Variants in ATP9A observed in about 807,000 individuals in gnomAD.
ATP9A encodes the protein ATPase phospholipid transporting 9A.
In ATP9A, 52 loss-of-function variants were observed where a neutral mutation model predicts 144.1. That is an observed-to-expected ratio of 0.36 (90% CI 0.29 to 0.45). The LOEUF (loss-of-function observed/expected upper bound fraction) is 0.45, where lower values mean the gene tolerates loss of function less well. Ranked by LOEUF, ATP9A falls within the 20% of genes least tolerant of loss-of-function variation. The pLI is 1.00. For synonymous variants in ATP9A, 582 were observed against 557.4 expected (o/e 1.04, Z -0.62); for missense variants, 947 against 1,392.7 (o/e 0.68, Z 5.09).
At chr20:51,667,917 G>T (rs187627716) in intron 13 of ATP9A, among the ~76,000 whole-genome samples, 120 of 151,096 alleles carry the variant, frequency 7.9e-4, no homozygotes, top group Non-Finnish European at 1.3e-4. Context: ...AATTAGCCAG[G>T]TGTGGTGGTG....
chr20:51,739,773 C>T (rs1023975727), intron 1 of ATP9A, among the ~76,000 whole-genome samples: 1 of 152,172 alleles, frequency 6.6e-6, no homozygotes, highest in Admixed American at 6.6e-5. Context: ...GACAGTGAGA[C>T]CCCTGGCTGG....
At chr20:51,606,768 T>G (rs998635223) in intron 26 of ATP9A, among the ~76,000 whole-genome samples, 3 of 151,966 alleles carry the variant, frequency 2.0e-5, no homozygotes, top group South Asian at 2.1e-4. Context: ...GGTCCCAGAC[T>G]CAGAAGGCTG....
chr20:51,768,112 A>C (rs944917055), intron 1 of ATP9A, among the ~76,000 whole-genome samples, 190 bp downstream of exon 1: 1 of 152,002 alleles, frequency 6.6e-6, no homozygotes, highest in Non-Finnish European at 1.5e-5. Context: ...AAGGGCCGGC[A>C]TCAGGCTAGG....
At chr20:51,628,097 GAAGAACA>G (rs1808459955) in intron 16 of ATP9A, among the ~76,000 whole-genome samples, 1 of 152,126 alleles carries the variant, frequency 6.6e-6, no homozygotes, top group Non-Finnish European at 1.5e-5. Context: ...GGTGTCAAGT[GAAGAACA>G]CTCCAGCACG....
At chr20:51,629,513 C>T (rs1308041816) in intron 15 of ATP9A, among the ~76,000 whole-genome samples, 1 of 152,178 alleles carries the variant, frequency 6.6e-6, no homozygotes, top group Admixed American at 6.5e-5. Context: ...TGCAGGGCCC[C>T]TCCTGTGCAC....
intron 14 of ATP9A, among the ~76,000 whole-genome samples, chr20:51,648,593 G>A (rs2077351545): frequency 6.6e-6 from 1 of 152,220 alleles, no homozygotes; most frequent in Non-Finnish European, 1.5e-5. Flanking sequence ...CACTCTGGGA[G>A]GCTGAGGCAG....
chr20:51,620,680 G>GT (rs1418776175), intron 19 of ATP9A, among the ~76,000 whole-genome samples: 1 of 152,064 alleles, frequency 6.6e-6, no homozygotes, highest in Non-Finnish European at 1.5e-5. Flanking sequence ...GAAGCGCTGT[G>GT]TGCGGCCATT....
chr20:51,660,440 G>A (rs553288251), intron 13 of ATP9A, among the ~76,000 whole-genome samples: 47 of 152,292 alleles, frequency 3.1e-4, no homozygotes, highest in African/African-American at 1.1e-3. Context: ...GTCAGATGTT[G>A]ACAAAGGCCT....
chr20:51,616,942 T>TC (rs1372376918), intron 22 of ATP9A, among the ~76,000 whole-genome samples: 3 of 65,422 alleles, frequency 4.6e-5, no homozygotes, highest in Non-Finnish European at 6.8e-5. Flanking sequence ...TAGAGAAACT[T>TC]TTTTTTTTTT....
At chr20:51,693,286 C>A (rs1204742418) in intron 7 of ATP9A, among the ~76,000 whole-genome samples, 2 of 152,182 alleles carry the variant, frequency 1.3e-5, no homozygotes, top group East Asian at 1.9e-4. Context: ...TGCGGAGATG[C>A]CCTGCCAGGC....
intron 15 of ATP9A, 110 bp from the exon 16 acceptor site, chr20:51,629,182 A>C: frequency 5.4e-6 from 4 of 740,958 alleles, no homozygotes; most frequent in Non-Finnish European, 8.7e-6. Flanking sequence ...ACAGACACCA[A>C]TGTTTTTTCA....
At chr20:51,630,633 G>A (rs146514758) in intron 15 of ATP9A, among the ~76,000 whole-genome samples, 181 of 152,124 alleles carry the variant, frequency 1.2e-3, no homozygotes, top group African/African-American at 4.2e-3. Context: ...CCTGGGAGGC[G>A]GAGGTTGCAA....
In ATP9A at chr20:51,733,685, T is replaced by C. The variant is rs201578713; in HGVS notation, c.69-3707A>G. 2.4e-4 allele frequency among the ~76,000 whole-genome samples: 34 copies of C among 139,112 alleles called. No individual in the cohort carries two copies. In the South Asian group the frequency reaches 7.0e-3, roughly 29 times the overall value. 91.3% of individuals were successfully genotyped at this position (139,112 alleles called of 152,430 possible). A position where few individuals can be genotyped will look rare whatever the true frequency, so the allele number is the denominator to read the frequency against. On this transcript the variant is annotated intron_variant, in intron 1 of 27. Coordinates refer to ENST00000338821, the MANE Select transcript of ATP9A (RefSeq NM_006045.3). ...ACTGTACCTGGCCTTTTTTTTTTAATTTTTTTTTAAATTAAAAAATCTGTA... is the reference window on the plus strand; with the variant it reads ...ACTGTACCTGGCCTTTTTTTTTTAACTTTTTTTTAAATTAAAAAATCTGTA...
At chr20:51,615,560 A>G (rs769684361) in intron 22 of ATP9A, among the ~76,000 whole-genome samples, 4 of 152,258 alleles carry the variant, frequency 2.6e-5, no homozygotes, top group Non-Finnish European at 4.4e-5. Context: ...CACAGAAAAA[A>G]TGTTGAGAGA....
intron 15 of ATP9A, among the ~76,000 whole-genome samples, chr20:51,635,970 A>G (rs1444598841): frequency 6.6e-6 from 1 of 152,096 alleles, no homozygotes; most frequent in African/African-American, 2.4e-5. Flanking sequence ...CCTGTAAGAA[A>G]GACACCAATG....
intron 7 of ATP9A, 70 bp downstream of exon 7, chr20:51,693,938 C>T: frequency 7.9e-7 from 1 of 1,268,210 alleles, no homozygotes; most frequent in African/African-American, 2.8e-5. Flanking sequence ...GCCTGGCCCC[C>T]CAGGTATGAG....
intron 9 of ATP9A, among the ~76,000 whole-genome samples, chr20:51,687,202 A>C (rs1283277800): frequency 7.9e-6 from 1 of 126,294 alleles, no homozygotes; most frequent in Non-Finnish European, 1.6e-5. Flanking sequence ...GGCTGTGCCC[A>C]GGCGTGGCCC....
chr20:51,695,493 A>C (rs2077567045), intron 6 of ATP9A, among the ~76,000 whole-genome samples: 1 of 151,480 alleles, frequency 6.6e-6, no homozygotes, highest in Admixed American at 6.6e-5. Flanking sequence ...AACTAAGGCA[A>C]TTTTAGTAGA....
chr20:51,716,773 G>A (rs970216328), intron 3 of ATP9A, among the ~76,000 whole-genome samples: 1 of 152,306 alleles, frequency 6.6e-6, no homozygotes, highest in East Asian at 1.9e-4. Flanking sequence ...ATTTTTACTT[G>A]CAGTAATTCA....
Sources: gnomAD v4.1 joint callset for allele counts (sites outside exome capture counted in the v4.1 genomes callset) on GRCh38, gnomAD v4.1.1 for gene constraint, MANE v1.5 for transcripts, NCBI Gene and HGNC (gene_info 2026-07-23, HGNC 2026-07-21) for gene names.